OGFOD1: variants seen among roughly 807,000 people sequenced by gnomAD.
OGFOD1 encodes the protein 2-oxoglutarate and iron dependent oxygenase domain containing 1.
OGFOD1 carries 54 observed loss-of-function variants against 67.7 expected under a neutral mutation model. The ratio of observed to expected loss-of-function variants is 0.80; its 90% CI spans 0.64 to 1.00. The LOEUF (loss-of-function observed/expected upper bound fraction) is 1.00. Among genes scored for constraint, OGFOD1 ranks in the 50% least tolerant of loss-of-function variants. OGFOD1 has a pLI of 0.00. For missense variants in OGFOD1, 606 were observed against 646.7 expected (o/e 0.94, Z 0.68); for synonymous variants, 221 against 227.0 (o/e 0.97, Z 0.24).
At chr16:56,457,084 A>G (rs1379190980) in intron 2 of OGFOD1, among the ~76,000 whole-genome samples, 2 of 152,234 alleles carry the variant, frequency 1.3e-5, no homozygotes, top group East Asian at 3.8e-4. Context: ...ATGTAAATAG[A>G]CCCAAGATAA....
chr16:56,451,585 G>C lies in OGFOD1; in HGVS notation c.-28G>C, dbSNP rs1962331905. 1 of 1,611,910 alleles carries C rather than the reference G, an allele frequency of 6.2e-7. No individual in the cohort carries two copies. Among genetic ancestry groups the C allele is most frequent in the African/African-American group, 1.3e-5 (1 of 74,904 alleles). ...TCAGGAAGGTAGCGTCTTGATCTGC[G>C]TGGCGTGGTTCTGTGCCTTGGGAAG... is the stretch of plus-strand genomic sequence containing the variant. On this transcript the variant is annotated 5_prime_UTR_variant, in exon 1 of 13. Transcript: ENST00000566157.
rs1228509501 is a variant in OGFOD1 at position 56,470,637 on chromosome 16, T to A, written c.1131T>A (p.Asn377Lys). The stretch of plus-strand genomic sequence containing the variant: ...CCCCTTCGGAAGAAGATGAGATGAA[T>A]GATAAAAAAGAGGCAGAAACCACTG... Reference protein sequence around the residue: ...FLAPSEEDEMNDKKEAETTDI... With the variant: ...FLAPSEEDEMKDKKEAETTDI... Residue 377 changes from asparagine (N) to lysine (K), a missense_variant, in exon 10 of 13, where the codon AAT becomes AAA. Asn to Lys is a moderately conservative substitution (Grantham distance 94, BLOSUM62 0). Transcript: ENST00000566157. 1 of 1,613,928 alleles carries A rather than the reference T, an allele frequency of 6.2e-7. No individual in the cohort carries two copies. The highest frequency in any genetic ancestry group is 8.5e-7 in the Non-Finnish European group (1 of 1,180,030).
At chr16:56,475,026 G>A in intron 11 of OGFOD1, 76 bp downstream of exon 11, 1 of 1,477,558 alleles carries the variant, frequency 6.8e-7, no homozygotes, top group Non-Finnish European at 9.3e-7. Context: ...CTTTCCAGCT[G>A]AACCAATTCA....
intron 1 of OGFOD1, 147 bp from the exon 2 acceptor site, chr16:56,453,116 T>C: frequency 1.4e-6 from 1 of 735,642 alleles, no homozygotes; most frequent in South Asian, 2.0e-5. Context: ...AGGTCAGAGC[T>C]TATCATTTTT....
chr16:56,457,653 C>T (rs2143977533), intron 2 of OGFOD1, among the ~76,000 whole-genome samples: 1 of 151,912 alleles, frequency 6.6e-6, no homozygotes, highest in Middle Eastern at 3.4e-3. Context: ...AAGTCAAAGC[C>T]AAAGTACTTA....
chr16:56,463,299 C>CA (rs1491463159), intron 4 of OGFOD1, among the ~76,000 whole-genome samples: 1 of 149,990 alleles, frequency 6.7e-6, no homozygotes, highest in Middle Eastern at 3.2e-3. Flanking sequence ...ATAGATGGCT[C>CA]ACAACTTTTA....
chr16:56,473,049 G>A (rs1963275714), intron 10 of OGFOD1, among the ~76,000 whole-genome samples: 1 of 152,178 alleles, frequency 6.6e-6, no homozygotes, highest in African/African-American at 2.4e-5. Flanking sequence ...TCCTGCCTCA[G>A]CCTCCCGAGT....
chr16:56,466,837 G>T (rs759914460), intron 5 of OGFOD1, 39 bp from the exon 6 acceptor site: 1 of 1,460,902 alleles, frequency 6.8e-7, no homozygotes, highest in Non-Finnish European at 9.6e-7. Flanking sequence ...GCTGGAAGTG[G>T]TTAATGATAA....
intron 2 of OGFOD1, 102 bp downstream of exon 2, chr16:56,453,510 T>C: frequency 4.3e-6 from 5 of 1,159,132 alleles, no homozygotes; most frequent in Non-Finnish European, 4.9e-6. Context: ...GGGTTTGCCT[T>C]GAACAGTCCT....
chr16:56,454,495 T>C (rs77400976), intron 2 of OGFOD1, among the ~76,000 whole-genome samples: 4 of 144,760 alleles, frequency 2.8e-5, no homozygotes, highest in Non-Finnish European at 6.1e-5. Flanking sequence ...GACTATCTCT[T>C]TTTTTTTTTT....
intron 2 of OGFOD1, among the ~76,000 whole-genome samples, chr16:56,457,703 G>A (rs553656096): frequency 2.6e-4 from 39 of 150,646 alleles, no homozygotes; most frequent in South Asian, 1.3e-3. Flanking sequence ...TTTTTTAGAC[G>A]GAGTTTTGCT....
At chr16:56,468,240 A>G (rs1479515135) in intron 8 of OGFOD1, among the ~76,000 whole-genome samples, 1 of 152,186 alleles carries the variant, frequency 6.6e-6, no homozygotes, top group African/African-American at 2.4e-5. Flanking sequence ...CCAGTTCTCT[A>G]GAGTCTTAAA....
At chr16:56,458,678 T>C in intron 3 of OGFOD1, 84 bp downstream of exon 3, 1 of 1,136,236 alleles carries the variant, frequency 8.8e-7, no homozygotes, top group Non-Finnish European at 1.3e-6. Flanking sequence ...ATTGTGTATG[T>C]CATATAATTC....
chr16:56,475,485 CTGTT>C lies in OGFOD1; in HGVS notation c.1409-16_1409-13del, dbSNP rs776405883. On this transcript the variant is annotated intron_variant, in intron 11 of 12. Transcript: ENST00000566157. ...TCTTTCAATAGGAGCTTTCTGAATGCTGTTTGTTTTTCTCTTGTAAGGCTGGGAG... is the reference window on the plus strand; with the variant it reads ...TCTTTCAATAGGAGCTTTCTGAATGCTGTTTTTCTCTTGTAAGGCTGGGAG... 6 of 1,611,242 alleles carry C rather than the reference CTGTT, an allele frequency of 3.7e-6. No individual in the cohort carries two copies. The African/African-American group carries it at 8.0e-5, about 22-fold the overall frequency.
intron 3 of OGFOD1, among the ~76,000 whole-genome samples, 163 bp from the exon 4 acceptor site, chr16:56,462,371 G>A (rs1962739596): frequency 6.6e-6 from 1 of 152,146 alleles, no homozygotes; most frequent in African/African-American, 2.4e-5. Context: ...ATGCAAATTT[G>A]AACTGAGAAA....
intron 4 of OGFOD1, 138 bp from the exon 5 acceptor site, chr16:56,466,014 T>A: frequency 1.6e-6 from 1 of 612,490 alleles, no homozygotes; most frequent in Non-Finnish European, 2.9e-6. Flanking sequence ...GAAATAAGTG[T>A]CATTTTAAAG....
rs771560481 is a variant in OGFOD1, at chr16:56,478,086, G to C, written c.*1881G>C. ...ATGATGAGATAAAAAGAAATATCTA[G>C]AACTAGTTCTAACATTGTCTTCCCC... On this transcript the variant is annotated 3_prime_UTR_variant, in exon 13 of 13. Transcript: ENST00000566157. 1 of 152,110 alleles carries C rather than the reference G, an allele frequency of 6.6e-6. No homozygotes were observed. Among genetic ancestry groups the C allele is most frequent in the Non-Finnish European group, 1.5e-5 (1 of 68,026 alleles). The allele number at this position is 152,110 out of a possible 1,614,324, so 9.4% of individuals were successfully genotyped here.
intron 6 of OGFOD1, 81 bp downstream of exon 6, chr16:56,467,048 T>G (rs936053625): frequency 3.2e-6 from 5 of 1,540,584 alleles, no homozygotes; most frequent in Middle Eastern, 3.4e-4. Context: ...AGCTTCCTGT[T>G]AGACTTGTTA....
At chr16:56,469,673 A>C (rs879597820) in intron 8 of OGFOD1, among the ~76,000 whole-genome samples, 39 of 151,944 alleles carry the variant, frequency 2.6e-4, no homozygotes, top group Non-Finnish European at 5.3e-4. Context: ...CAACATGGAG[A>C]AACCCCATCT....
Sources: gnomAD v4.1 joint callset for allele counts (sites outside exome capture counted in the v4.1 genomes callset) on GRCh38, gnomAD v4.1.1 for gene constraint, MANE v1.5 for transcripts, NCBI Gene and HGNC (gene_info 2026-07-23, HGNC 2026-07-21) for gene names.